Variants in SRRM2 observed in about 807,000 individuals in gnomAD.
SRRM2 encodes the protein serine/arginine repetitive matrix protein 2.
A neutral mutation model predicts 213.8 loss-of-function variants in SRRM2; 30 were observed. The ratio of observed to expected loss-of-function variants is 0.14; its 90% CI spans 0.10 to 0.19. The LOEUF (loss-of-function observed/expected upper bound fraction) is 0.19. Among genes scored for constraint, SRRM2 ranks in the 10% least tolerant of loss-of-function variants. The pLI, the probability that SRRM2 is intolerant of heterozygous loss-of-function variation, is 1.00. For synonymous variants in SRRM2, 2,025 were observed against 1,377.7 expected, an observed-to-expected ratio of 1.47 and a Z score of -10.40; for missense variants, 4,904 against 3,647.0, an observed-to-expected ratio of 1.34 and a Z score of -8.88.
Position 2,766,626 on chromosome 16 carries a change from G to C in SRRM2, c.6098G>C (p.Arg2033Pro), listed in dbSNP as rs117133016. 8.3e-3 allele frequency: 13,362 copies of C among 1,613,570 alleles called. 74 individuals are homozygous for C. The highest frequency in any genetic ancestry group is 0.01 in the Non-Finnish European group (12,250 of 1,179,902). ...PPAIRRRSRS[R>P]TPLLPRKRSR... is the part of the protein sequence containing the mutation. The stretch of plus-strand genomic sequence containing the variant: ...GCTATTCGGCGCCGCTCTAGATCTC[G>C]AACGCCACTGTTACCACGCAAACGT... The change falls in exon 11 of 15, where the codon CGA (arginine) becomes CCA (proline). Residue 2033 changes from arginine (R) to proline (P), a missense_variant. By Grantham distance (103) the Arg-to-Pro change is moderately radical. Coordinates refer to ENST00000301740, the MANE Select transcript of SRRM2 (RefSeq NM_016333.4). This position sits in a 1 kb window ranked among gnomAD's most constrained non-coding sequence, Gnocchi z 7.0.
rs1168471409 is a variant in SRRM2 at position 2,771,125 on chromosome 16, G to C, written c.*258G>C. 1.6e-6 allele frequency: 1 copy of C among 619,460 alleles called. No homozygotes were observed. The allele number at this position is 619,460 out of a possible 1,614,324, so 38.4% of individuals were successfully genotyped here. ...TGCAGATGGGAGTTGGGGGAGGGGAGGATACAGTTCAGGATACCCCAGCCT... is the reference window on the plus strand; with the variant it reads ...TGCAGATGGGAGTTGGGGGAGGGGACGATACAGTTCAGGATACCCCAGCCT... On this transcript the variant is annotated 3_prime_UTR_variant, in exon 15 of 15. Coordinates refer to ENST00000301740, the MANE Select transcript of SRRM2 (RefSeq NM_016333.4).
In SRRM2 at chr16:2,763,782, C is replaced by T. The variant is rs753937224; in HGVS notation, c.3254C>T (p.Ser1085Phe). ...AGACAGAGTCATTCAGAATCACCAT[C>T]TCTGCAGAGCAAATCTCAAACATCA... The part of the protein sequence containing the change: ...EVRQSHSESP[S>F]LQSKSQTSPK... The change falls in exon 11 of 15, where the codon TCT (serine) becomes TTT (phenylalanine). Residue 1085 changes from serine (S) to phenylalanine (F), a missense_variant. Transcript: ENST00000301740. 4 of 1,614,208 alleles carry T rather than the reference C, an allele frequency of 2.5e-6. No individual in the cohort carries two copies. The Admixed American group carries it at 5.0e-5, about 20-fold the overall frequency.
intron 2 of SRRM2, among the ~76,000 whole-genome samples, chr16:2,756,841 C>T (rs530314335): frequency 9.2e-5 from 14 of 151,848 alleles, no homozygotes; most frequent in African/African-American, 1.5e-4. Context: ...AATGGAGGCA[C>T]GTGGGAGAAG....
At chr16:2,753,443 T>G (rs2068016391) in intron 1 of SRRM2, 1 of 152,260 alleles carries the variant, frequency 6.6e-6, no homozygotes, top group Non-Finnish European at 1.5e-5. Flanking sequence ...GCTATCAGCC[T>G]TTGAGTTGTT....
At chr16:2,768,935 A>C (rs1275410109) in intron 11 of SRRM2, 62 bp from the exon 12 acceptor site, 1 of 1,605,992 alleles carries the variant, frequency 6.2e-7, no homozygotes, top group East Asian at 2.2e-5. Flanking sequence ...CCTCCAGGCC[A>C]AGGAAGGTAG....
At position 2,766,828 on chromosome 16, in the gene SRRM2, T is replaced by G; in HGVS notation, c.6300T>G (p.Ser2100=). Residue 2100 remains serine, a synonymous_variant, in exon 11 of 15, where the codon TCT becomes TCG. Transcript: ENST00000301740. The surrounding 1 kb of genome is among the most constrained non-coding windows in gnomAD (Gnocchi z 7.0). The stretch of plus-strand genomic sequence containing the variant: ...CTCCTCCAGCAACAAGAAATCATTC[T>G]GGTTCACGGACACCTCCAGTAGCAC... The part of the protein sequence containing the change: ...SATPPATRNH[S]GSRTPPVALN... 1 of 1,614,232 alleles carries G rather than the reference T, an allele frequency of 6.2e-7. No homozygotes were observed. Among genetic ancestry groups the G allele is most frequent in the Non-Finnish European group, 8.5e-7 (1 of 1,180,044 alleles).
chr16:2,764,217 C>G lies in SRRM2; in HGVS notation c.3689C>G (p.Pro1230Arg), dbSNP rs1299179693. The G allele has an allele frequency of 1.2e-6, 2 of 1,614,182 alleles. No individual in the cohort carries two copies. Among genetic ancestry groups the G allele is most frequent in the African/African-American group, 1.3e-5 (1 of 75,054 alleles). Residue 1230 changes from proline to arginine, a missense_variant, in exon 11 of 15, where the codon CCT becomes CGT. Pro to Arg is a moderately radical substitution (Grantham distance 103, BLOSUM62 -2). Transcript: ENST00000301740. ...PETKEQNSAL[P>R]TSSQDEELME... ...ACAAAAGAGCAAAATAGTGCATTGC[C>G]TACGTCAAGCCAAGATGAAGAGTTA...
Position 2,761,666 on chromosome 16 carries a change from C to A in SRRM2, c.1138C>A (p.Pro380Thr). The part of the protein sequence containing the change: ...LAERHGGSPQ[P>T]LATTPLSQEP... ...TGAGCGACATGGCGGCTCCCCACAA[C>A]CCCTTGCAACCACCCCCTTAAGCCA... is the stretch of plus-strand genomic sequence containing the variant. Residue 380 changes from proline (P) to threonine (T), a missense_variant, in exon 11 of 15, where the codon CCC (proline) becomes ACC (threonine). By Grantham distance (38) the Pro-to-Thr change is conservative. Transcript: ENST00000301740. 6.3e-7 allele frequency: 1 copy of A among 1,592,512 alleles called. No individual in the cohort carries two copies. The highest frequency in any genetic ancestry group is 8.5e-7 in the Non-Finnish European group (1 of 1,170,170).
At chr16:2,769,428 C>A in intron 12 of SRRM2, 144 bp downstream of exon 12, 3 of 954,086 alleles carry the variant, frequency 3.1e-6, no homozygotes, top group South Asian at 3.2e-5. Flanking sequence ...GCTCTCCTCT[C>A]CCCATGCTCG....
chr16:2,752,645 C>T lies in SRRM2; in HGVS notation c.-233C>T, dbSNP rs878993788. On this transcript the variant is annotated 5_prime_UTR_variant, in exon 1 of 15. It adds an upstream start codon to the 5' untranslated region. Coordinates refer to ENST00000301740, the MANE Select transcript of SRRM2 (RefSeq NM_016333.4). ...TGACGCACGCAGTTAGTCGTGCTGACGTGCAGCGCGGCCCAGGCGGGGTGC... is the reference window on the plus strand; with the variant it reads ...TGACGCACGCAGTTAGTCGTGCTGATGTGCAGCGCGGCCCAGGCGGGGTGC... The T allele has an allele frequency of 5.3e-4, 127 of 241,172 alleles. 3 individuals carry two copies. The highest frequency in any genetic ancestry group is 3.9e-3 in the South Asian group (124 of 31,736). The allele number at this position is 241,172 out of a possible 1,614,324, so 14.9% of individuals were successfully genotyped here.
rs762620561 is a variant in SRRM2, at chr16:2,770,346, C to G, written c.8022-6C>G. 4 of 1,580,388 alleles carry G rather than the reference C, an allele frequency of 2.5e-6. No homozygotes were observed. The highest frequency in any genetic ancestry group is 1.7e-6 in the Non-Finnish European group (2 of 1,162,666). ...TGGTGCTATTGGGTCCTACTGTGTT[C>G]CCCAGGTCCCGCAGCCCCCGGAAGC... On this transcript the variant is annotated splice_region_variant and splice_polypyrimidine_tract_variant and intron_variant, in intron 12 of 14. Coordinates refer to ENST00000301740, the MANE Select transcript of SRRM2 (RefSeq NM_016333.4).
rs1332683009 is a variant in SRRM2 at position 2,762,980 on chromosome 16, A to T, written c.2452A>T (p.Ser818Cys). The change falls in exon 11 of 15, where the codon AGT becomes TGT. Residue 818 changes from serine to cysteine, a missense_variant. Physicochemically the swap from Ser to Cys is moderately radical, Grantham distance 112. Transcript: ENST00000301740. ...SRTPPRRSRSSSSPPPKQKSK... is the reference protein window; with the variant it reads ...SRTPPRRSRSCSSPPPKQKSK... The stretch of plus-strand genomic sequence containing the variant: ...AACGCCACCCAGACGCAGTCGCTCC[A>T]GTTCTTCTCCGCCACCTAAACAGAA... The T allele has an allele frequency of 4.3e-6, 7 of 1,614,012 alleles. No homozygotes were observed. Among genetic ancestry groups the T allele is most frequent in the African/African-American group, 2.7e-5 (2 of 74,892 alleles).
chr16:2,766,617 C>G lies in SRRM2; in HGVS notation c.6089C>G (p.Ser2030Cys), dbSNP rs762627762. Residue 2030 changes from serine (S) to cysteine (C), a missense_variant, in exon 11 of 15, where the codon TCT (serine) becomes TGT (cysteine). Transcript: ENST00000301740. This position sits in a 1 kb window ranked among gnomAD's most constrained non-coding sequence, Gnocchi z 7.0. ...ACACCTCCAGCTATTCGGCGCCGCT[C>G]TAGATCTCGAACGCCACTGTTACCA... ...SRTPPAIRRR[S>C]RSRTPLLPRK... The G allele has an allele frequency of 1.2e-6, 2 of 1,613,804 alleles. No homozygotes were observed. Among genetic ancestry groups the G allele is most frequent in the Non-Finnish European group, 1.7e-6 (2 of 1,179,868 alleles).
Position 2,760,295 on chromosome 16 carries a change from C to T in SRRM2, c.834-6C>T. The T allele has an allele frequency of 3.1e-6, 5 of 1,612,074 alleles. No individual in the cohort carries two copies. The highest frequency in any genetic ancestry group is 4.2e-6 in the Non-Finnish European group (5 of 1,179,724). On this transcript the variant is annotated splice_polypyrimidine_tract_variant and splice_region_variant and intron_variant, in intron 9 of 14. Coordinates refer to ENST00000301740, the MANE Select transcript of SRRM2 (RefSeq NM_016333.4). ...CCTCTCCCACGTCCTCAATTAACTC[C>T]TGCAGGTCTCGAAGTGCTGCAGCTA...
At chr16:2,759,329 A>T in intron 7 of SRRM2, 23 bp from the exon 8 acceptor site, 1 of 1,609,980 alleles carries the variant, frequency 6.2e-7, no homozygotes, top group Non-Finnish European at 8.5e-7. Context: ...AGTTACTTTT[A>T]ACAACCTTTC....
chr16:2,768,831 C>T (rs1327579484), intron 11 of SRRM2, 166 bp from the exon 12 acceptor site: 1 of 1,416,556 alleles, frequency 7.1e-7, no homozygotes, highest in Admixed American at 2.0e-5. Flanking sequence ...GAGGTTGGGT[C>T]AGCTCGCACC....
Position 2,763,879 on chromosome 16 carries a change from T to C in SRRM2, c.3351T>C (p.Asp1117=), listed in dbSNP as rs2068449866. Residue 1117 remains aspartate (D), a synonymous_variant, in exon 11 of 15, where the codon GAT becomes GAC. Coordinates refer to ENST00000301740, the MANE Select transcript of SRRM2 (RefSeq NM_016333.4). ...ELASRSPIRQ[D]RGEFSASPML... is the part of the protein sequence containing the mutation. ...CATCCAGATCTCCAATAAGACAAGA[T>C]AGAGGTGAGTTCTCAGCGAGTCCTA... 1.2e-6 allele frequency: 2 copies of C among 1,614,158 alleles called. No individual in the cohort carries two copies. Among genetic ancestry groups the C allele is most frequent in the Admixed American group, 3.3e-5 (2 of 60,020 alleles).
chr16:2,759,711 T>A, intron 9 of SRRM2, 50 bp downstream of exon 9: 1 of 1,536,728 alleles, frequency 6.5e-7, no homozygotes, highest in Non-Finnish European at 9.0e-7. Context: ...ATGGGTTAAT[T>A]AATTTAATAT....
intron 11 of SRRM2, 48 bp from the exon 12 acceptor site, chr16:2,768,949 T>A: frequency 6.2e-7 from 1 of 1,607,004 alleles, no homozygotes; most frequent in South Asian, 1.1e-5. Flanking sequence ...AAGGTAGGGT[T>A]GGGGCTGGGG....
Sources: allele counts gnomAD v4.1 joint callset (sites outside exome capture counted in the v4.1 genomes callset), GRCh38; gene constraint gnomAD v4.1.1; non-coding constraint Gnocchi (gnomAD v3.1); transcripts MANE v1.5; gene names NCBI Gene and HGNC (gene_info 2026-07-23, HGNC 2026-07-21).